Variants in PPM1L observed in about 807,000 individuals in gnomAD.
PPM1L encodes the protein protein phosphatase, Mg2+/Mn2+ dependent 1L, also known as protein phosphatase 1L.
A neutral mutation model predicts 31.4 loss-of-function variants in PPM1L; 13 were observed. The ratio of observed to expected loss-of-function variants is 0.41; its 90% CI spans 0.27 to 0.66. The LOEUF (loss-of-function observed/expected upper bound fraction) is 0.66. Among genes scored for constraint, PPM1L ranks in the 30% least tolerant of loss-of-function variants. The probability of loss-of-function intolerance (pLI) is 0.29; values close to 1 mark genes in which losing one functional copy is unlikely to be tolerated. For synonymous variants in PPM1L, 184 were observed against 175.4 expected, an observed-to-expected ratio of 1.05 and a Z score of -0.39; for missense variants, 326 against 453.7, an observed-to-expected ratio of 0.72 and a Z score of 2.56.
At chr3:160,862,658 A>ACATG (rs1711936194) in intron 1 of PPM1L, among the ~76,000 whole-genome samples, 1 of 108,050 alleles carries the variant, frequency 9.3e-6, no homozygotes, top group East Asian at 2.8e-4. Context: ...AATCCTAGGC[A>ACATG]CACGCACACA....
intron 2 of PPM1L, among the ~76,000 whole-genome samples, chr3:161,042,507 T>A (rs1718940984): frequency 6.6e-6 from 1 of 152,090 alleles, no homozygotes; most frequent in Admixed American, 6.6e-5. Flanking sequence ...CCAGACCAAC[T>A]CAGGAAACCA....
intron 1 of PPM1L, among the ~76,000 whole-genome samples, chr3:160,920,609 T>TCACACA (rs1278287003): frequency 8.1e-5 from 4 of 49,166 alleles, no homozygotes; most frequent in Non-Finnish European, 1.7e-4. Flanking sequence ...TCTCTCTCTC[T>TCACACA]CTCTCTCACA....
intron 2 of PPM1L, among the ~76,000 whole-genome samples, chr3:161,014,180 G>T (rs12696114): frequency 0.36 from 54,720 of 151,798 alleles, 10,380 homozygotes; most frequent in East Asian, 0.64. Context: ...CTTTCCATGT[G>T]TAGTGCTTCC....
rs116343060 is a variant in PPM1L, at chr3:160,789,038, T to C, written c.399+32331T>C. Among the ~76,000 whole-genome samples the C allele has an allele frequency of 9.6e-3, 1,453 of 152,096 alleles. 23 individuals carry two copies. The highest frequency in any genetic ancestry group is 0.032 in the African/African-American group (1,340 of 41,566). On this transcript the variant is annotated intron_variant, in intron 1 of 3. Transcript: ENST00000498165. The stretch of plus-strand genomic sequence containing the variant: ...AACAATAACAGCAACAAAATTCTGT[T>C]GGTATTATTGAGATTACATTACCTT...
At chr3:160,885,750 C>T (rs555092617) in intron 1 of PPM1L, among the ~76,000 whole-genome samples, 98 of 152,360 alleles carry the variant, frequency 6.4e-4, no homozygotes, top group African/African-American at 2.2e-3. Context: ...CTACCCACGC[C>T]ACGGGGTCTA....
chr3:161,064,996 C>T (rs1250938343), intron 2 of PPM1L, among the ~76,000 whole-genome samples: 1 of 151,926 alleles, frequency 6.6e-6, no homozygotes, highest in Non-Finnish European at 1.5e-5. Context: ...GAGGAGCCCA[C>T]CGCACACCCC....
At chr3:160,969,028 G>A (rs1716240860) in intron 2 of PPM1L, among the ~76,000 whole-genome samples, 1 of 152,234 alleles carries the variant, frequency 6.6e-6, no homozygotes, top group Non-Finnish European at 1.5e-5. Context: ...GAGGGAAGAA[G>A]AGAGCTCAGC....
intron 1 of PPM1L, among the ~76,000 whole-genome samples, chr3:160,878,108 C>T (rs1947146): frequency 0.046 from 6,951 of 152,232 alleles, 488 homozygotes; most frequent in African/African-American, 0.15. Context: ...TTCTTTTTAA[C>T]TCCTATAATC....
chr3:160,806,400 A>C (rs1248249432), intron 1 of PPM1L, among the ~76,000 whole-genome samples: 2 of 152,168 alleles, frequency 1.3e-5, no homozygotes, highest in Non-Finnish European at 2.9e-5. Flanking sequence ...CATCTCAGAC[A>C]TGTAATAACT....
intron 2 of PPM1L, among the ~76,000 whole-genome samples, chr3:161,031,016 G>T (rs1279697838): frequency 2.0e-5 from 3 of 152,140 alleles, no homozygotes; most frequent in Non-Finnish European, 4.4e-5. Context: ...TTGAAAAGGG[G>T]CCCAAAATGG....
intron 1 of PPM1L, among the ~76,000 whole-genome samples, chr3:160,773,968 T>C (rs1711505416): frequency 6.6e-6 from 1 of 152,174 alleles, no homozygotes; most frequent in Non-Finnish European, 1.5e-5. Flanking sequence ...AGTGTGCTGG[T>C]CTCATTTTTG....
rs1019691700 is a variant in PPM1L, at chr3:161,072,658, G to C, written c.*3501G>C. 6.6e-6 allele frequency: 1 copy of C among 152,074 alleles called. No homozygotes were observed. Among genetic ancestry groups the C allele is most frequent in the Non-Finnish European group, 1.5e-5 (1 of 68,002 alleles). The allele number at this position is 152,074 out of a possible 1,614,324, so 9.4% of individuals were successfully genotyped here. A position where few individuals can be genotyped will look rare whatever the true frequency, so the allele number is the denominator to read the frequency against. On this transcript the variant is annotated 3_prime_UTR_variant, in exon 4 of 4. Transcript: ENST00000498165. Reference sequence around the variant, plus strand: ...TTAATTTGACCACAGAAACTTTTTTGAGTAGCACCTAGTAACATTGCAAGG... The same window carrying C: ...TTAATTTGACCACAGAAACTTTTTTCAGTAGCACCTAGTAACATTGCAAGG...
Position 161,038,126 on chromosome 3 carries a change from C to T in PPM1L, c.575-27277C>T, listed in dbSNP as rs938319851. ...GCGGGCGCCTGTAGTCCCAGCTACT[C>T]GGGAGGCTGAGGCAGGAGAATGGCG... On this transcript the variant is annotated intron_variant, in intron 2 of 3. Transcript: ENST00000498165. 1.9e-4 allele frequency among the ~76,000 whole-genome samples: 28 copies of T among 148,674 alleles called. No homozygotes were observed. The East Asian group carries it at 5.3e-3, about 28-fold the overall frequency.
intron 1 of PPM1L, among the ~76,000 whole-genome samples, chr3:160,861,853 G>A (rs1183444506): frequency 6.6e-6 from 1 of 152,166 alleles, no homozygotes; most frequent in African/African-American, 2.4e-5. Context: ...TGGTGGTGTA[G>A]CCACCTTCTA....
At chr3:160,998,977 C>T (rs1425409419) in intron 2 of PPM1L, among the ~76,000 whole-genome samples, 1 of 152,018 alleles carries the variant, frequency 6.6e-6, no homozygotes, top group Non-Finnish European at 1.5e-5. Context: ...AAAAGAAAGC[C>T]GGTGGTGAAA....
chr3:160,997,732 G>T (rs1433470579), intron 2 of PPM1L, among the ~76,000 whole-genome samples: 1 of 152,142 alleles, frequency 6.6e-6, no homozygotes, highest in East Asian at 1.9e-4. Flanking sequence ...TTTGAAGAGT[G>T]GGTGTGGTGG....
intron 2 of PPM1L, among the ~76,000 whole-genome samples, chr3:160,996,597 A>C (rs1418529006): frequency 6.6e-6 from 1 of 152,180 alleles, no homozygotes; most frequent in Non-Finnish European, 1.5e-5. Flanking sequence ...ATGTGGATGC[A>C]AAGACATAAG....
rs150317141 is a variant in PPM1L at position 160,774,185 on chromosome 3, G to A, written c.399+17478G>A. Among the ~76,000 whole-genome samples the A allele has an allele frequency of 7.7e-4, 117 of 152,036 alleles. No individual in the cohort carries two copies. The East Asian group carries it at 0.012, about 15-fold the overall frequency. ...AGAGTTGTCTTTTCTTCTCATGGTC[G>A]TGCCTTTATTCTCTCAGTCCGCCAC... On this transcript the variant is annotated intron_variant, in intron 1 of 3. Transcript: ENST00000498165.
chr3:160,808,144 T>C (rs927355693), intron 1 of PPM1L, among the ~76,000 whole-genome samples: 2 of 152,238 alleles, frequency 1.3e-5, no homozygotes, highest in African/African-American at 4.8e-5. Context: ...TTATCTACAC[T>C]GAATTGGCAG....
Sources: gnomAD v4.1 joint callset for allele counts (sites outside exome capture counted in the v4.1 genomes callset) on GRCh38, gnomAD v4.1.1 for gene constraint, MANE v1.5 for transcripts, NCBI Gene and HGNC (gene_info 2026-07-23, HGNC 2026-07-21) for gene names.